Variants in KCNQ1 observed in about 807,000 individuals in gnomAD.
KCNQ1 encodes potassium voltage-gated channel subfamily Q member 1.
KCNQ1 carries 49 observed loss-of-function variants against 72.4 expected under a neutral mutation model. The ratio of observed to expected loss-of-function variants is 0.68; its 90% CI spans 0.54 to 0.86. KCNQ1 has a LOEUF of 0.86. Ranked by LOEUF, KCNQ1 falls within the 40% of genes least tolerant of loss-of-function variation. The pLI, the probability that KCNQ1 is intolerant of heterozygous loss-of-function variation, is 0.00. For synonymous variants in KCNQ1, 450 were observed against 412.6 expected (o/e 1.09, Z -1.10); for missense variants, 790 against 945.1 (o/e 0.84, Z 2.15).
At chr11:2,460,617 G>A (rs1589892057) in intron 1 of KCNQ1, among the ~76,000 whole-genome samples, 1 of 152,198 alleles carries the variant, frequency 6.6e-6, no homozygotes, top group Non-Finnish European at 1.5e-5. Flanking sequence ...GCTGTAAGTG[G>A]ACCTTGGACC....
rs1850213229 is a variant in KCNQ1, at chr11:2,672,938, G to A, written c.1514+10857G>A. 1.5e-5 allele frequency: 6 copies of A among 398,600 alleles called. No individual in the cohort carries two copies. The Admixed American group carries it at 2.6e-4, about 18-fold the overall frequency. 24.7% of individuals were successfully genotyped at this position (398,600 alleles called of 1,614,324 possible). On this transcript the variant is annotated intron_variant, in intron 11 of 15. Transcript: ENST00000155840. ...GGGCTGGCCATGCAGGCCCACCACA[G>A]GTGGCAAGGAATCATGAACCCCAGC...
rs1388038749 is a variant in KCNQ1, at chr11:2,451,952, G to T, written c.386+6468G>T. ...CTATTCCTGGCCTCAGGCCCAGTTT[G>T]TATCCATGGGCACCCCCACTCCCAC... On this transcript the variant is annotated intron_variant, in intron 1 of 15. Coordinates refer to ENST00000155840, the MANE Select transcript of KCNQ1 (RefSeq NM_000218.3). The surrounding 1 kb of genome is among the most constrained non-coding windows in gnomAD (Gnocchi z 6.4). Among the ~76,000 whole-genome samples, 1 of 152,156 alleles carries T rather than the reference G, an allele frequency of 6.6e-6. No individual in the cohort carries two copies. The highest frequency in any genetic ancestry group is 2.4e-5 in the African/African-American group (1 of 41,430).
At chr11:2,505,703 A>G (rs1847093032) in intron 1 of KCNQ1, among the ~76,000 whole-genome samples, 1 of 152,134 alleles carries the variant, frequency 6.6e-6, no homozygotes, top group Non-Finnish European at 1.5e-5. Flanking sequence ...GCAGCCTCGA[A>G]CCTTTAAGTG....
At chr11:2,738,436 G>A (rs1254285943) in intron 11 of KCNQ1, among the ~76,000 whole-genome samples, 1 of 152,198 alleles carries the variant, frequency 6.6e-6, no homozygotes, top group Non-Finnish European at 1.5e-5. Context: ...GCAGGTCGGG[G>A]CCACTGGCAC....
chr11:2,719,375 G>A (rs1002405852), intron 11 of KCNQ1, among the ~76,000 whole-genome samples: 2 of 150,644 alleles, frequency 1.3e-5, no homozygotes, highest in South Asian at 2.1e-4. Flanking sequence ...GCGTGCCTGT[G>A]GTCCCAGCTG....
rs577670361 is a variant in KCNQ1, at chr11:2,794,767, A to G, written c.1794+16730A>G. Among the ~76,000 whole-genome samples, 8 of 152,136 alleles carry G rather than the reference A, an allele frequency of 5.3e-5. No homozygotes were observed. In the East Asian group the frequency reaches 1.4e-3, roughly 26 times the overall value. On this transcript the variant is annotated intron_variant, in intron 15 of 15. Transcript: ENST00000155840. ...AGCCTGGAGGACCCCTCTGGCCCCC[A>G]TCTCCCACTTTCAGCTTCAGCTCTG...
At chr11:2,694,844 A>G in intron 11 of KCNQ1, 1 of 398,688 alleles carries the variant, frequency 2.5e-6, no homozygotes, top group Non-Finnish European at 4.4e-6. Context: ...ATGGCAGGTC[A>G]GAGCAAAATT....
chr11:2,802,651 A>T (rs1325883159), intron 15 of KCNQ1, among the ~76,000 whole-genome samples: 2 of 152,172 alleles, frequency 1.3e-5, no homozygotes, highest in Non-Finnish European at 2.9e-5. Context: ...GGCCCAGCAG[A>T]TGCTCATTCT....
Position 2,686,778 on chromosome 11 carries a change from C to T in KCNQ1, c.1514+24697C>T, listed in dbSNP as rs919601709. 2.8e-5 allele frequency: 11 copies of T among 398,688 alleles called. No individual in the cohort carries two copies. The East Asian group carries it at 3.2e-4, about 12-fold the overall frequency. 24.7% of individuals were successfully genotyped at this position (398,688 alleles called of 1,614,324 possible). On this transcript the variant is annotated intron_variant, in intron 11 of 15. Coordinates refer to ENST00000155840, the MANE Select transcript of KCNQ1 (RefSeq NM_000218.3). ...TTGTAAATGTGCATCCCCTGTGATACACTATGATGCACAAGCAGCCCCTGC... is the reference window on the plus strand; with the variant it reads ...TTGTAAATGTGCATCCCCTGTGATATACTATGATGCACAAGCAGCCCCTGC...
In KCNQ1 at chr11:2,712,903, C is replaced by T. The variant is rs1851029234; in HGVS notation, c.1514+50822C>T. The stretch of plus-strand genomic sequence containing the variant: ...GAAGGACTGCAGCCCCCGCCTCCCT[C>T]CAAGGCAGTTGTCAGAGCAAGATCA... On this transcript the variant is annotated intron_variant, in intron 11 of 15. Coordinates refer to ENST00000155840, the MANE Select transcript of KCNQ1 (RefSeq NM_000218.3). This position sits in a 1 kb window ranked among gnomAD's most constrained non-coding sequence, Gnocchi z 6.4. Among the ~76,000 whole-genome samples, 1 of 152,140 alleles carries T rather than the reference C, an allele frequency of 6.6e-6. No individual in the cohort carries two copies. Among genetic ancestry groups the T allele is most frequent in the South Asian group, 2.1e-4 (1 of 4,824 alleles).
intron 11 of KCNQ1, among the ~76,000 whole-genome samples, chr11:2,714,946 C>T (rs1217625037): frequency 1.3e-5 from 2 of 151,468 alleles, no homozygotes; most frequent in Admixed American, 1.3e-4. Context: ...AATGGGGGCA[C>T]AAAGCCAGGG....
chr11:2,798,569 A>G (rs1847190666), intron 15 of KCNQ1, among the ~76,000 whole-genome samples: 1 of 151,312 alleles, frequency 6.6e-6, no homozygotes, highest in Admixed American at 6.6e-5. Context: ...AAAAATACCC[A>G]CTCTATTTCC....
chr11:2,641,251 A>G (rs189009808), intron 10 of KCNQ1: 21 of 398,428 alleles, frequency 5.3e-5, no homozygotes, highest in African/African-American at 8.2e-5. Context: ...ACTGTTTTCT[A>G]TAGTATTAAT....
chr11:2,740,309 C>T (rs966514222), intron 11 of KCNQ1, among the ~76,000 whole-genome samples: 11 of 152,134 alleles, frequency 7.2e-5, no homozygotes, highest in East Asian at 1.9e-4. Flanking sequence ...TGTGTATGTT[C>T]GACAACTGCC....
chr11:2,820,215 C>T (rs975458215), intron 15 of KCNQ1, among the ~76,000 whole-genome samples: 6 of 152,188 alleles, frequency 3.9e-5, no homozygotes, highest in African/African-American at 1.4e-4. Flanking sequence ...ATCGATACTT[C>T]TCCAAATACC....
chr11:2,678,615 ATTAC>A lies in KCNQ1; in HGVS notation c.1514+16538_1514+16541del, dbSNP rs1323550178. On this transcript the variant is annotated intron_variant, in intron 11 of 15. Transcript: ENST00000155840. The surrounding 1 kb of genome is among the most constrained non-coding windows in gnomAD (Gnocchi z 4.9). The stretch of plus-strand genomic sequence containing the variant: ...TGTAGCAGGACTCCCCCTCATCTCC[ATTAC>A]TTAAGAGCCAATAATGGGAAGCTCA... 8 of 398,332 alleles carry A rather than the reference ATTAC, an allele frequency of 2.0e-5. No homozygotes were observed. The highest frequency in any genetic ancestry group is 1.6e-4 in the African/African-American group (8 of 48,538). The allele number at this position is 398,332 out of a possible 1,614,324, so 24.7% of individuals were successfully genotyped here.
At chr11:2,810,005 A>G (rs1019856794) in intron 15 of KCNQ1, among the ~76,000 whole-genome samples, 2 of 152,236 alleles carry the variant, frequency 1.3e-5, no homozygotes, top group African/African-American at 4.8e-5. Flanking sequence ...TTACATGGTG[A>G]AAATATCTTC....
Position 2,664,565 on chromosome 11 carries a change from C to G in KCNQ1, c.1514+2484C>G. On this transcript the variant is annotated intron_variant, in intron 11 of 15. Coordinates refer to ENST00000155840, the MANE Select transcript of KCNQ1 (RefSeq NM_000218.3). This position sits in a 1 kb window ranked among gnomAD's most constrained non-coding sequence, Gnocchi z 5.1. Reference sequence around the variant, plus strand: ...GCAGGGGTGTGGGGGCCGTGCAGGTCTTCTGCCCGCATTGGGGCTGCATTC... The same window carrying G: ...GCAGGGGTGTGGGGGCCGTGCAGGTGTTCTGCCCGCATTGGGGCTGCATTC... The G allele has an allele frequency of 2.5e-6, 1 of 398,674 alleles. No homozygotes were observed. The highest frequency in any genetic ancestry group is 4.4e-6 in the Non-Finnish European group (1 of 226,112). 24.7% of individuals were successfully genotyped at this position (398,674 alleles called of 1,614,324 possible).
chr11:2,629,066 T>G, intron 10 of KCNQ1: 1 of 398,288 alleles, frequency 2.5e-6, no homozygotes, highest in Admixed American at 4.4e-5. Context: ...ATGCTTTAGA[T>G]CTTTAAGGTC....
Sources: allele counts gnomAD v4.1 joint callset (sites outside exome capture counted in the v4.1 genomes callset), GRCh38; gene constraint gnomAD v4.1.1; non-coding constraint Gnocchi (gnomAD v3.1); transcripts MANE v1.5; gene names NCBI Gene and HGNC (gene_info 2026-07-23, HGNC 2026-07-21).